The following PIP5K1B variants were observed in gnomAD, a reference collection of about 807,000 sequenced individuals.
PIP5K1B encodes the protein phosphatidylinositol-4-phosphate 5-kinase type 1 beta.
A neutral mutation model predicts 67.0 loss-of-function variants in PIP5K1B; 42 were observed. The observed-to-expected ratio is 0.63, with a 90% CI of 0.49 to 0.81. The LOEUF (loss-of-function observed/expected upper bound fraction) is 0.81. Ranked by LOEUF, PIP5K1B falls within the 30% of genes least tolerant of loss-of-function variation. PIP5K1B has a pLI of 0.00. For missense variants in PIP5K1B, 459 were observed against 646.3 expected (o/e 0.71, Z 3.14); for synonymous variants, 214 against 231.4 (o/e 0.92, Z 0.68).
intron 4 of PIP5K1B, among the ~76,000 whole-genome samples, chr9:68,842,202 C>T (rs1360004075): frequency 2.0e-5 from 3 of 152,198 alleles, no homozygotes; most frequent in Non-Finnish European, 2.9e-5. Flanking sequence ...CTGTGGGACA[C>T]AGTAGCCTTT....
At chr9:68,982,526 G>T (rs1329685211) in intron 14 of PIP5K1B, among the ~76,000 whole-genome samples, 1 of 152,176 alleles carries the variant, frequency 6.6e-6, no homozygotes, top group Non-Finnish European at 1.5e-5. Context: ...GGAGGCTGAG[G>T]TGGGTGGATC....
chr9:68,861,228 T>C (rs983945462), intron 4 of PIP5K1B, among the ~76,000 whole-genome samples: 1 of 152,206 alleles, frequency 6.6e-6, no homozygotes, highest in Non-Finnish European at 1.5e-5. Context: ...ACAGCAGGGT[T>C]CTTTTCAAAA....
intron 4 of PIP5K1B, among the ~76,000 whole-genome samples, chr9:68,843,639 G>A (rs372958761): frequency 3.3e-5 from 5 of 152,168 alleles, no homozygotes; most frequent in South Asian, 2.1e-4. Context: ...AGGCAGCCCC[G>A]GTTGGTGGTG....
chr9:68,996,443 T>C (rs181050753), intron 15 of PIP5K1B, among the ~76,000 whole-genome samples: 15 of 152,184 alleles, frequency 9.9e-5, no homozygotes, highest in Admixed American at 8.5e-4. Flanking sequence ...TTTTCTAAGA[T>C]GATTTTTATC....
At chr9:68,740,208 A>C (rs1320317751) in intron 1 of PIP5K1B, among the ~76,000 whole-genome samples, 1 of 152,210 alleles carries the variant, frequency 6.6e-6, no homozygotes, top group African/African-American at 2.4e-5. Context: ...GAAATGGAAG[A>C]TCTTGGGACG....
Position 68,991,179 on chromosome 9 carries a change from G to A in PIP5K1B, c.1542G>A (p.Glu514=), listed in dbSNP as rs759435704. 1.2e-6 allele frequency: 2 copies of A among 1,611,274 alleles called. No homozygotes were observed. Among genetic ancestry groups the A allele is most frequent in the African/African-American group, 1.3e-5 (1 of 74,826 alleles). ...CCAGTTCAACATTTACCTTGGAAGA[G>A]GGGACCATCTACTTGACCGCTGAGC... ...LPSSSTFTLE[E]GTIYLTAEPN... is the part of the protein sequence containing the mutation. Residue 514 remains glutamate, a synonymous_variant, in exon 15 of 16, where the codon GAG becomes GAA. Transcript: ENST00000265382.
intron 8 of PIP5K1B, among the ~76,000 whole-genome samples, chr9:68,896,979 T>A (rs1173133476): frequency 1.3e-5 from 2 of 152,186 alleles, no homozygotes; most frequent in Non-Finnish European, 2.9e-5. Context: ...GAGTTACCTC[T>A]CTCTCTCTTC....
At chr9:68,992,471 G>C (rs907658910) in intron 15 of PIP5K1B, among the ~76,000 whole-genome samples, 2 of 152,088 alleles carry the variant, frequency 1.3e-5, no homozygotes, top group African/African-American at 4.8e-5. Flanking sequence ...CCCTGACCTA[G>C]CACTGTAATT....
At chr9:68,965,255 A>T (rs1456262039) in intron 14 of PIP5K1B, among the ~76,000 whole-genome samples, 1 of 152,228 alleles carries the variant, frequency 6.6e-6, no homozygotes, top group East Asian at 1.9e-4. Context: ...TAAGATACAT[A>T]TTCTATGACT....
intron 2 of PIP5K1B, among the ~76,000 whole-genome samples, chr9:68,798,682 C>A (rs577973622): frequency 6.6e-6 from 1 of 152,070 alleles, no homozygotes. Context: ...TCTTATAGGG[C>A]AAGATCAGAA....
intron 4 of PIP5K1B, among the ~76,000 whole-genome samples, chr9:68,837,607 G>T (rs1464348745): frequency 1.1e-3 from 127 of 111,772 alleles, no homozygotes; most frequent in Non-Finnish European, 1.2e-3. Context: ...CTTACTTTGT[G>T]TTTTTTTTTT....
chr9:68,846,702 G>A (rs1822208961), intron 4 of PIP5K1B, among the ~76,000 whole-genome samples: 1 of 151,996 alleles, frequency 6.6e-6, no homozygotes, highest in Non-Finnish European at 1.5e-5. Context: ...TCTAAACCTT[G>A]GATCCCTGAG....
intron 13 of PIP5K1B, among the ~76,000 whole-genome samples, chr9:68,936,948 C>A (rs912749222): frequency 5.9e-5 from 9 of 152,164 alleles, no homozygotes; most frequent in Non-Finnish European, 1.3e-4. Flanking sequence ...CCTTGCATCC[C>A]AGGGATGAAG....
chr9:68,945,013 G>T lies in PIP5K1B; in HGVS notation c.1502+4223G>T, dbSNP rs137865283. On this transcript the variant is annotated intron_variant, in intron 14 of 15. Coordinates refer to ENST00000265382, the MANE Select transcript of PIP5K1B (RefSeq NM_003558.4). Reference sequence around the variant, plus strand: ...CATCATAGCCTCCAAAAACATACAAGGTTGGTTGGTTGGTTTTTTTCCTAA... The same window carrying T: ...CATCATAGCCTCCAAAAACATACAATGTTGGTTGGTTGGTTTTTTTCCTAA... 3.0e-4 allele frequency among the ~76,000 whole-genome samples: 45 copies of T among 151,928 alleles called. 1 individual carries two copies. The highest frequency in any genetic ancestry group is 6.3e-4 in the Non-Finnish European group (43 of 67,992).
intron 4 of PIP5K1B, among the ~76,000 whole-genome samples, chr9:68,848,199 A>T (rs1418441971): frequency 6.6e-6 from 1 of 152,242 alleles, no homozygotes; most frequent in East Asian, 1.9e-4. Context: ...AAGAGCCATG[A>T]ACATATTCCA....
At chr9:69,005,877 C>CTTT in intron 15 of PIP5K1B, among the ~76,000 whole-genome samples, 1 of 145,298 alleles carries the variant, frequency 6.9e-6, no homozygotes, top group Non-Finnish European at 1.5e-5. Context: ...CCACTCATTT[C>CTTT]TTTCTTTTTT....
intron 2 of PIP5K1B, among the ~76,000 whole-genome samples, chr9:68,792,701 G>A (rs978338614): frequency 2.0e-5 from 3 of 152,080 alleles, no homozygotes; most frequent in Admixed American, 6.5e-5. Flanking sequence ...GGATGGTCTC[G>A]ATCTCCTGAC....
At chr9:68,977,186 C>T (rs1587749000) in intron 14 of PIP5K1B, among the ~76,000 whole-genome samples, 2 of 152,288 alleles carry the variant, frequency 1.3e-5, no homozygotes, top group Admixed American at 1.3e-4. Context: ...ACACATTGTC[C>T]TAGAGAGCAG....
intron 3 of PIP5K1B, among the ~76,000 whole-genome samples, chr9:68,821,407 A>G (rs1057161491): frequency 2.0e-5 from 3 of 152,378 alleles, no homozygotes; most frequent in South Asian, 2.1e-4. Context: ...TAAGACCTCC[A>G]TAGATAAATG....
Sources: allele counts gnomAD v4.1 joint callset (sites outside exome capture counted in the v4.1 genomes callset), GRCh38; gene constraint gnomAD v4.1.1; transcripts MANE v1.5; gene names NCBI Gene and HGNC (gene_info 2026-07-23, HGNC 2026-07-21).